RUNX2: variants seen among roughly 807,000 people sequenced by gnomAD.
RUNX2 encodes the protein runt-related transcription factor 2.
A neutral mutation model predicts 51.7 loss-of-function variants in RUNX2; 10 were observed. That is an observed-to-expected ratio of 0.19 (90% CI 0.12 to 0.33). The LOEUF (loss-of-function observed/expected upper bound fraction) is 0.33, where lower values mean the gene tolerates loss of function less well. RUNX2 is among the 10% of genes least tolerant of loss of function. The pLI is 1.00. For synonymous variants in RUNX2, 276 were observed against 273.6 expected, an observed-to-expected ratio of 1.01 and a Z score of -0.09; for missense variants, 562 against 691.3, an observed-to-expected ratio of 0.81 and a Z score of 2.10.
intron 2 of RUNX2, 80 bp downstream of exon 2, chr6:45,328,864 C>A: frequency 1.4e-6 from 2 of 1,427,248 alleles, no homozygotes; most frequent in Non-Finnish European, 2.0e-6. Flanking sequence ...AAACTGCTAG[C>A]TTTTCCAAAT....
At chr6:45,512,454 G>C (rs753959196) in intron 7 of RUNX2, 47 bp downstream of exon 7, 2 of 1,601,862 alleles carry the variant, frequency 1.2e-6, no homozygotes, top group Non-Finnish European at 1.7e-6. Flanking sequence ...ACAGGGGTCG[G>C]GGGGAGTGGG....
chr6:45,365,740 T>C (rs928194075), intron 2 of RUNX2, among the ~76,000 whole-genome samples: 7 of 150,192 alleles, frequency 4.7e-5, no homozygotes, highest in Admixed American at 6.7e-5. Flanking sequence ...AGTTGATATA[T>C]GAAGGTTCCA....
chr6:45,515,880 G>T (rs1295942973), intron 7 of RUNX2, among the ~76,000 whole-genome samples: 1 of 152,116 alleles, frequency 6.6e-6, no homozygotes, highest in Non-Finnish European at 1.5e-5. Flanking sequence ...TGTTCCAAGG[G>T]ATCATAGGAA....
chr6:45,360,902 A>G (rs1360915718), intron 2 of RUNX2, among the ~76,000 whole-genome samples: 4 of 152,160 alleles, frequency 2.6e-5, no homozygotes, highest in East Asian at 1.9e-4. Flanking sequence ...TGCATTACAA[A>G]TATTTGTCTC....
intron 6 of RUNX2, among the ~76,000 whole-genome samples, chr6:45,507,760 A>G (rs1402011589): frequency 1.3e-5 from 2 of 152,362 alleles, no homozygotes; most frequent in Non-Finnish European, 2.9e-5. Flanking sequence ...TAACACGGAC[A>G]TATATGCTCC....
chr6:45,545,376 T>A lies in RUNX2; in HGVS notation c.1087+94T>A, dbSNP rs376050120. ...CGATTTGTGAGTTTTGTTAACTATA[T>A]GTTGCTTTTAAAGAGTCACTTTTTA... is the stretch of plus-strand genomic sequence containing the variant. On this transcript the variant is annotated intron_variant, in intron 8 of 8. Coordinates refer to ENST00000647337, the MANE Select transcript of RUNX2 (RefSeq NM_001024630.4). 1.2e-5 allele frequency: 17 copies of A among 1,378,926 alleles called. No homozygotes were observed. The East Asian group carries it at 1.3e-4, about 10-fold the overall frequency. 85.4% of individuals were successfully genotyped at this position (1,378,926 alleles called of 1,614,324 possible). A position where few individuals can be genotyped will look rare whatever the true frequency, so the allele number is the denominator to read the frequency against.
intron 5 of RUNX2, among the ~76,000 whole-genome samples, chr6:45,461,530 A>G (rs1799476417): frequency 1.3e-5 from 2 of 152,180 alleles, no homozygotes; most frequent in South Asian, 2.1e-4. Context: ...CATCATGGAG[A>G]AGGAAAGTGC....
intron 4 of RUNX2, among the ~76,000 whole-genome samples, chr6:45,437,604 G>A (rs865809992): frequency 1.3e-5 from 2 of 152,214 alleles, no homozygotes; most frequent in African/African-American, 4.8e-5. Flanking sequence ...GTGCTTGGAT[G>A]TGTTCCTGAT....
rs1464870595 is a variant in RUNX2, at chr6:45,550,431, A to T, written c.*3126A>T. 1.3e-5 allele frequency: 2 copies of T among 152,354 alleles called. No homozygotes were observed. The highest frequency in any genetic ancestry group is 4.8e-5 in the African/African-American group (2 of 41,578). 9.4% of individuals were successfully genotyped at this position (152,354 alleles called of 1,614,324 possible). On this transcript the variant is annotated 3_prime_UTR_variant, in exon 9 of 9. Coordinates refer to ENST00000647337, the MANE Select transcript of RUNX2 (RefSeq NM_001024630.4). Reference sequence around the variant, plus strand: ...CTGTGATAAATTCAGAAGGGAGGAGATGTGTGTACAGCTTTAAGGATTCCC... The same window carrying T: ...CTGTGATAAATTCAGAAGGGAGGAGTTGTGTGTACAGCTTTAAGGATTCCC...
At chr6:45,352,069 A>G (rs1369836697) in intron 2 of RUNX2, among the ~76,000 whole-genome samples, 1 of 152,176 alleles carries the variant, frequency 6.6e-6, no homozygotes, top group African/African-American at 2.4e-5. Flanking sequence ...CCTTAAAATG[A>G]TATGAATGGT....
intron 2 of RUNX2, among the ~76,000 whole-genome samples, chr6:45,387,449 A>G (rs1434226861): frequency 6.6e-6 from 1 of 152,244 alleles, no homozygotes; most frequent in Non-Finnish European, 1.5e-5. Context: ...GATTCGGCCT[A>G]GAAACATTCT....
At chr6:45,386,347 A>G (rs1025199187) in intron 2 of RUNX2, among the ~76,000 whole-genome samples, 2 of 152,186 alleles carry the variant, frequency 1.3e-5, no homozygotes, top group African/African-American at 4.8e-5. Flanking sequence ...GATTACAAGC[A>G]TGAGCCACTG....
At chr6:45,407,121 A>G (rs969559245) in intron 2 of RUNX2, among the ~76,000 whole-genome samples, 1 of 152,138 alleles carries the variant, frequency 6.6e-6, no homozygotes, top group South Asian at 2.1e-4. Context: ...TTTATTTACT[A>G]TTAATATTTT....
chr6:45,431,686 G>C (rs560287265), intron 3 of RUNX2, among the ~76,000 whole-genome samples, 177 bp from the exon 4 acceptor site: 6 of 152,272 alleles, frequency 3.9e-5, no homozygotes, highest in South Asian at 2.1e-4. Flanking sequence ...CTGAAACATT[G>C]GTCTGTTTGA....
intron 2 of RUNX2, among the ~76,000 whole-genome samples, chr6:45,413,816 C>T (rs746791379): frequency 9.9e-5 from 15 of 152,078 alleles, no homozygotes; most frequent in African/African-American, 3.4e-4. Flanking sequence ...TAAAGATGCT[C>T]GTAATGAAGC....
intron 5 of RUNX2, among the ~76,000 whole-genome samples, chr6:45,452,896 G>A (rs1260634065): frequency 6.6e-6 from 1 of 152,132 alleles, no homozygotes; most frequent in African/African-American, 2.4e-5. Flanking sequence ...GGGCTCCATG[G>A]CTCATTAAGA....
rs865788617 is a variant in RUNX2 at position 45,386,089 on chromosome 6, C to T, written c.59-36504C>T. Among the ~76,000 whole-genome samples the T allele has an allele frequency of 2.6e-4, 37 of 140,160 alleles. 1 individual carries two copies. Among genetic ancestry groups the T allele is most frequent in the Middle Eastern group, 3.8e-3 (1 of 262 alleles). The allele number at this position is 140,160 out of a possible 152,430, so 92.0% of individuals were successfully genotyped here. A position where few individuals can be genotyped will look rare whatever the true frequency, so the allele number is the denominator to read the frequency against. On this transcript the variant is annotated intron_variant, in intron 2 of 8. Coordinates refer to ENST00000647337, the MANE Select transcript of RUNX2 (RefSeq NM_001024630.4). ...AGTGCTTTTTTTTTTTTTTTTGAGA[C>T]GGAGTTTCACTCTTTTTGCCCAGGC...
Position 45,512,272 on chromosome 6 carries a change from C to T in RUNX2, c.886C>T (p.Pro296Ser), listed in dbSNP as rs1554397657. 3.7e-6 allele frequency: 6 copies of T among 1,614,054 alleles called. No individual in the cohort carries two copies. The highest frequency in any genetic ancestry group is 5.1e-6 in the Non-Finnish European group (6 of 1,180,008). Residue 296 changes from proline to serine, a missense_variant, in exon 7 of 9, where the codon CCG becomes TCG. Physicochemically the swap from Pro to Ser is moderately conservative, Grantham distance 74. Around this residue, in one of 5 missense-constraint regions of RUNX2, gnomAD observed 304 missense variants for 353.2 expected, o/e 0.86. Coordinates refer to ENST00000647337, the MANE Select transcript of RUNX2 (RefSeq NM_001024630.4). ...CCCCAGGCAGGCACAGTCTTCCCCG[C>T]CGTGGTCCTATGACCAGTCTTACCC... ...TDPRQAQSSP[P>S]WSYDQSYPSY...
chr6:45,501,211 T>C (rs1463886745), intron 6 of RUNX2, among the ~76,000 whole-genome samples: 1 of 152,134 alleles, frequency 6.6e-6, no homozygotes, highest in African/African-American at 2.4e-5. Flanking sequence ...TCAGTAGGGG[T>C]CTACTAATAT....
Sources: gnomAD v4.1 joint callset for allele counts (sites outside exome capture counted in the v4.1 genomes callset) on GRCh38, gnomAD v4.1.1 for gene constraint, gnomAD v4.1.1 regional missense constraint, MANE v1.5 for transcripts, NCBI Gene and HGNC (gene_info 2026-07-23, HGNC 2026-07-21) for gene names.